The following PCDH15 variants were observed in gnomAD, a reference collection of about 807,000 sequenced individuals.
PCDH15 encodes protocadherin-15.
Under a neutral mutation model 178.5 loss-of-function variants are expected in PCDH15, and 129 were observed. The observed-to-expected ratio is 0.72, with a 90% confidence interval of 0.63 to 0.84. The LOEUF is 0.84. Among genes scored for constraint, PCDH15 ranks in the 40% least tolerant of loss-of-function variants. The probability of loss-of-function intolerance (pLI) is 0.00; values close to 1 mark genes in which losing one functional copy is unlikely to be tolerated. For synonymous variants in PCDH15, 800 were observed against 732.0 expected, an observed-to-expected ratio of 1.09 and a Z score of -1.50; for missense variants, 2,230 against 2,099.9, an observed-to-expected ratio of 1.06 and a Z score of -1.21.
chr10:54,247,996 T>G lies in PCDH15; in HGVS notation c.877-11065A>C, dbSNP rs1012280778. 6.2e-4 allele frequency among the ~76,000 whole-genome samples: 93 copies of G among 149,522 alleles called. 1 individual carries two copies. Among genetic ancestry groups the G allele is most frequent in the African/African-American group, 2.2e-3 (92 of 40,958 alleles). On this transcript the variant is annotated intron_variant, in intron 8 of 37. Transcript: ENST00000644397. ...AAATGACATTCTTAATATGTGGAAATTATTATAGTTAGTTTTTTAAATTGA... is the reference window on the plus strand; with the variant it reads ...AAATGACATTCTTAATATGTGGAAAGTATTATAGTTAGTTTTTTAAATTGA...
chr10:54,165,213 T>G (rs1339718152), intron 13 of PCDH15, among the ~76,000 whole-genome samples: 1 of 152,126 alleles, frequency 6.6e-6, no homozygotes, highest in Non-Finnish European at 1.5e-5. Context: ...GGCTCCCAGT[T>G]TTCCCCCTTC....
chr10:54,062,264 T>TAAAAAAAAAAGA, intron 18 of PCDH15, among the ~76,000 whole-genome samples: 1 of 77,796 alleles, frequency 1.3e-5, no homozygotes, highest in Non-Finnish European at 2.6e-5. Flanking sequence ...AAAAAACAAC[T>TAAAAAAAAAAGA]AAATGAAAAC....
chr10:55,182,780 T>C (rs936366433), intron 1 of PCDH15, among the ~76,000 whole-genome samples: 3 of 151,942 alleles, frequency 2.0e-5, no homozygotes, highest in Non-Finnish European at 4.4e-5. Context: ...AGGAAAGAAA[T>C]GATGTACTTT....
In PCDH15 at chr10:53,910,866, G is replaced by A. The variant is rs189145865; in HGVS notation, c.3374-7496C>T. On this transcript the variant is annotated intron_variant, in intron 25 of 37. Transcript: ENST00000644397. ...CCATGCACGAAACTACATGACACAT[G>A]AACAAGCTTCAATAGCCATTTTCAT... Among the ~76,000 whole-genome samples the A allele has an allele frequency of 3.5e-3, 534 of 152,210 alleles. 2 individuals are homozygous for A. Among genetic ancestry groups the A allele is most frequent in the Middle Eastern group, 0.014 (4 of 294 alleles).
chr10:54,584,379 G>A (rs1022115962), intron 2 of PCDH15, among the ~76,000 whole-genome samples: 1 of 152,044 alleles, frequency 6.6e-6, no homozygotes, highest in Non-Finnish European at 1.5e-5. Context: ...TCAGGCCTAG[G>A]TGACAGAGCA....
rs186624798 is a variant in PCDH15, at chr10:54,167,445, C to T, written c.1591-14152G>A. On this transcript the variant is annotated intron_variant, in intron 13 of 37. Transcript: ENST00000644397. ...GGACCCAAAACTCCGGCGCCGGTCA[C>T]GGACAGGGAAGGCAGCCTTCCCTTG... Among the ~76,000 whole-genome samples, 1,344 of 152,248 alleles carry T rather than the reference C, an allele frequency of 8.8e-3. 10 individuals carry two copies. The highest frequency in any genetic ancestry group is 0.014 in the Admixed American group (211 of 15,298).
intron 10 of PCDH15, 95 bp downstream of exon 10, chr10:54,213,841 A>C: frequency 1.2e-6 from 1 of 806,662 alleles, no homozygotes; most frequent in Non-Finnish European, 2.0e-6. Context: ...CATTAATTTT[A>C]ATTTTATAAC....
At chr10:54,344,159 T>C (rs1191495190) in intron 6 of PCDH15, among the ~76,000 whole-genome samples, 2 of 152,156 alleles carry the variant, frequency 1.3e-5, no homozygotes, top group East Asian at 1.9e-4. Context: ...TGGTTAATCC[T>C]TTTTTCCTTC....
intron 20 of PCDH15, among the ~76,000 whole-genome samples, chr10:54,004,396 TAC>T (rs199816870): frequency 0.13 from 9,165 of 72,730 alleles, 399 homozygotes; most frequent in East Asian, 0.34. Flanking sequence ...ACCTAAAGAC[TAC>T]ACACACACAC....
chr10:54,716,792 G>GC (rs1348536952), intron 1 of PCDH15, among the ~76,000 whole-genome samples: 1 of 151,050 alleles, frequency 6.6e-6, no homozygotes, highest in East Asian at 1.9e-4. Context: ...AAAAGAGCCC[G>GC]CATCACCAAG....
intron 26 of PCDH15, among the ~76,000 whole-genome samples, chr10:53,900,237 CCCTCT>C (rs1245108115): frequency 1.7e-4 from 25 of 151,338 alleles, no homozygotes; most frequent in African/African-American, 6.1e-4. Flanking sequence ...CTCTCTCCCC[CCCTCT>C]CTCTGTCTGT....
intron 2 of PCDH15, among the ~76,000 whole-genome samples, chr10:54,902,933 G>T (rs1484221019): frequency 6.6e-6 from 1 of 152,104 alleles, no homozygotes. Context: ...ATCTCCTCGG[G>T]TTACAGGTTT....
chr10:55,575,631 A>G (rs1017230597), intron 2 of PCDH15: 1 of 152,200 alleles, frequency 6.6e-6, no homozygotes, highest in African/African-American at 2.4e-5. Context: ...ACATTTTATA[A>G]GTGGTAATTG....
chr10:53,929,988 C>T (rs973384180), intron 25 of PCDH15, among the ~76,000 whole-genome samples: 5 of 152,078 alleles, frequency 3.3e-5, no homozygotes, highest in South Asian at 2.1e-4. Context: ...GACTCTGTGG[C>T]ACAAATATTA....
At chr10:53,810,713 A>G (rs1564514574) in intron 36 of PCDH15, 49 bp from the exon 37 acceptor site, 1 of 1,478,836 alleles carries the variant, frequency 6.8e-7, no homozygotes, top group Non-Finnish European at 9.5e-7. Context: ...TGATTTCTGT[A>G]GAATCTACCA....
chr10:54,326,105 T>C (rs1938016593), intron 7 of PCDH15, among the ~76,000 whole-genome samples: 1 of 152,126 alleles, frequency 6.6e-6, no homozygotes, highest in South Asian at 2.1e-4. Flanking sequence ...ACTGGCACTT[T>C]CCATACTGTA....
intron 1 of PCDH15, among the ~76,000 whole-genome samples, chr10:55,274,547 T>C (rs953818085): frequency 6.6e-6 from 1 of 152,134 alleles, no homozygotes; most frequent in Admixed American, 6.5e-5. Context: ...TCAACCTGTC[T>C]GGAAGCTGTT....
At position 53,809,501 on chromosome 10, in the gene PCDH15, G is replaced by C. The variant is rs373365619; in HGVS notation, c.4671+1055C>G. ...ACAACTACTTCTTCCTCCTCACTAGGCTCTCTAATTTCAACCTTTGGTTTT... is the reference window on the plus strand; with the variant it reads ...ACAACTACTTCTTCCTCCTCACTAGCCTCTCTAATTTCAACCTTTGGTTTT... On this transcript the variant is annotated intron_variant, in intron 37 of 37. Coordinates refer to ENST00000644397, the MANE Select transcript of PCDH15 (RefSeq NM_001384140.1). 1.9e-6 allele frequency: 3 copies of C among 1,612,848 alleles called. No individual in the cohort carries two copies. In the African/African-American group the frequency reaches 4.0e-5, roughly 22 times the overall value.
intron 14 of PCDH15, among the ~76,000 whole-genome samples, chr10:54,140,449 G>A (rs1387609361): frequency 6.6e-6 from 1 of 151,682 alleles, no homozygotes; most frequent in Non-Finnish European, 1.5e-5. Context: ...ATAAATTGAG[G>A]GTTGGACTAC....
Sources: gnomAD v4.1 joint callset for allele counts (sites outside exome capture counted in the v4.1 genomes callset) on GRCh38, gnomAD v4.1.1 for gene constraint, MANE v1.5 for transcripts, NCBI Gene and HGNC (gene_info 2026-07-23, HGNC 2026-07-21) for gene names.